Variants in SCML4 observed in about 807,000 individuals in gnomAD.
SCML4 encodes sex comb on midleg-like protein 4.
A neutral mutation model predicts 41.1 loss-of-function variants in SCML4; 34 were observed. The ratio of observed to expected loss-of-function variants is 0.83; its 90% CI spans 0.63 to 1.10. The LOEUF is 1.10. Ranked by LOEUF, SCML4 falls within the 50% of genes least tolerant of loss-of-function variation. The pLI, the probability that SCML4 is intolerant of heterozygous loss-of-function variation, is 0.00. For missense variants in SCML4, 522 were observed against 534.1 expected, an observed-to-expected ratio of 0.98 and a Z score of 0.22; for synonymous variants, 214 against 220.9, an observed-to-expected ratio of 0.97 and a Z score of 0.28.
At chr6:107,716,204 G>A (rs1027985965) in intron 6 of SCML4, among the ~76,000 whole-genome samples, 28 of 152,154 alleles carry the variant, frequency 1.8e-4, no homozygotes, top group African/African-American at 6.8e-4. Context: ...ATGTGAAAAG[G>A]CCCTGCTTAA....
At chr6:107,834,115 A>G in the SCML4 span, among the ~76,000 whole-genome samples, 1 of 152,128 alleles carries the variant, frequency 6.6e-6, no homozygotes, top group Non-Finnish European at 1.5e-5. Flanking sequence ...GACCGAAGAA[A>G]CTGGGCCTTT....
intron 5 of SCML4, among the ~76,000 whole-genome samples, chr6:107,734,660 T>C (rs191218078): frequency 1.3e-5 from 2 of 152,192 alleles, no homozygotes; most frequent in Non-Finnish European, 2.9e-5. Context: ...TAATGAAAGA[T>C]ATCACTGAAA....
intron 1 of SCML4, among the ~76,000 whole-genome samples, chr6:107,792,653 A>G (rs551764887): frequency 3.9e-5 from 6 of 151,952 alleles, no homozygotes; most frequent in African/African-American, 1.2e-4. Flanking sequence ...AATCGCTACA[A>G]TCTGGGAGGC....
chr6:107,722,545 A>G (rs952553001), intron 5 of SCML4, among the ~76,000 whole-genome samples: 8 of 152,224 alleles, frequency 5.3e-5, no homozygotes, highest in Non-Finnish European at 8.8e-5. Flanking sequence ...AAAATATGAA[A>G]AATAAAAACA....
At chr6:107,753,803 G>T (rs1778886997) in intron 2 of SCML4, among the ~76,000 whole-genome samples, 1 of 152,304 alleles carries the variant, frequency 6.6e-6, no homozygotes, top group African/African-American at 2.4e-5. Flanking sequence ...GCTTTGAGTA[G>T]GTGAGAGGGT....
At chr6:107,837,301 T>C in the SCML4 span, among the ~76,000 whole-genome samples, 3 of 152,216 alleles carry the variant, frequency 2.0e-5, no homozygotes, top group Admixed American at 2.0e-4. Flanking sequence ...GAAATGTGTG[T>C]ATCTTGAACA....
intron 5 of SCML4, among the ~76,000 whole-genome samples, chr6:107,728,833 A>C (rs546239440): frequency 6.6e-6 from 1 of 152,196 alleles, no homozygotes; most frequent in African/African-American, 2.4e-5. Context: ...CAAGCCCCAG[A>C]TGTGGCTCTG....
chr6:107,753,207 T>C (rs1217462484), intron 2 of SCML4, among the ~76,000 whole-genome samples: 2 of 152,142 alleles, frequency 1.3e-5, no homozygotes, highest in Admixed American at 6.5e-5. Context: ...GTGGAGAAAC[T>C]GGAACCCTTG....
intron 1 of SCML4, among the ~76,000 whole-genome samples, chr6:107,803,458 C>T (rs911776730): frequency 1.5e-3 from 213 of 145,374 alleles, no homozygotes; most frequent in African/African-American, 5.2e-3. Context: ...GCCAGCCGCC[C>T]GGTCCGGGAG....
chr6:107,836,680 CTTAA>C, the SCML4 span, among the ~76,000 whole-genome samples: 1 of 152,118 alleles, frequency 6.6e-6, no homozygotes. Context: ...TAATGCATCT[CTTAA>C]TTAATATTTG....
At chr6:107,831,463 G>A in the SCML4 span, among the ~76,000 whole-genome samples, 1 of 145,022 alleles carries the variant, frequency 6.9e-6, no homozygotes, top group Non-Finnish European at 1.5e-5. Context: ...AAAAGCAACT[G>A]ATTGATCAGT....
intron 1 of SCML4, among the ~76,000 whole-genome samples, chr6:107,810,869 G>T (rs749854409): frequency 6.6e-6 from 1 of 152,090 alleles, no homozygotes; most frequent in Non-Finnish European, 1.5e-5. Flanking sequence ...GTCTACTCCA[G>T]GGCTCAAGCA....
At position 107,720,958 on chromosome 6, in the gene SCML4, G is replaced by C; in HGVS notation, c.718C>G (p.Pro240Ala). 1.9e-6 allele frequency: 3 copies of C among 1,613,496 alleles called. No individual in the cohort carries two copies. Among genetic ancestry groups the C allele is most frequent in the South Asian group, 2.2e-5 (2 of 91,012 alleles). The change falls in exon 6 of 8, where the codon CCT becomes GCT. Residue 240 changes from proline (P) to alanine (A), a missense_variant. Coordinates refer to ENST00000369020, the MANE Select transcript of SCML4 (RefSeq NM_198081.5). Reference protein sequence around the residue: ...TVTTEEYLVNPVGMNRYSVDT... With the variant: ...TVTTEEYLVNAVGMNRYSVDT... ...ACGCTGTAGCGGTTCATGCCCACAG[G>C]GTTCACCAGGTACTCTTCGGTGGTG...
chr6:107,714,192 G>C (rs1583381584), intron 6 of SCML4, among the ~76,000 whole-genome samples: 1 of 152,180 alleles, frequency 6.6e-6, no homozygotes, highest in East Asian at 1.9e-4. Context: ...GCCTGCCTGT[G>C]TGAGGAGAGA....
At chr6:107,842,316 A>AT in the SCML4 span, among the ~76,000 whole-genome samples, 1 of 152,112 alleles carries the variant, frequency 6.6e-6, no homozygotes, top group Non-Finnish European at 1.5e-5. Context: ...GTGTTTTAAG[A>AT]TTTTCTTTAT....
upstream of SCML4, among the ~76,000 whole-genome samples, chr6:107,827,821 G>C (rs760882818): frequency 6.6e-6 from 1 of 152,186 alleles, no homozygotes; most frequent in Admixed American, 6.5e-5. Flanking sequence ...AATCTACTTA[G>C]AGTAGCCTCC....
rs574679931 is a variant in SCML4, at chr6:107,707,901, C to T, written c.1084G>A (p.Ala362Thr). The T allele has an allele frequency of 1.0e-5, 16 of 1,551,728 alleles. No individual in the cohort carries two copies. The African/African-American group carries it at 2.2e-4, about 21-fold the overall frequency. The change falls in exon 7 of 8, where the codon GCT (alanine) becomes ACT (threonine). Residue 362 changes from alanine to threonine, a missense_variant. Coordinates refer to ENST00000369020, the MANE Select transcript of SCML4 (RefSeq NM_198081.5). ...VWFVKDADPQ[A>T]LGPHVELFRK... is the part of the protein sequence containing the mutation. ...AAGAGCTCCACGTGAGGCCCCAGAG[C>T]CTGTGGGTCGGCGTCCTTCACAAAC...
chr6:107,709,859 C>T (rs1774066480), intron 6 of SCML4, among the ~76,000 whole-genome samples: 1 of 152,086 alleles, frequency 6.6e-6, no homozygotes, highest in African/African-American at 2.4e-5. Context: ...TACAGGCGCC[C>T]ACCATCACGC....
At chr6:107,755,783 C>T (rs1172203793) in intron 2 of SCML4, 2 of 303,682 alleles carry the variant, frequency 6.6e-6, no homozygotes, top group Non-Finnish European at 1.2e-5. Flanking sequence ...TCCTTGCAGA[C>T]ATGGCTGATT....
Sources: gnomAD v4.1 joint callset for allele counts (sites outside exome capture counted in the v4.1 genomes callset) on GRCh38, gnomAD v4.1.1 for gene constraint, MANE v1.5 for transcripts, NCBI Gene and HGNC (gene_info 2026-07-23, HGNC 2026-07-21) for gene names.